The following TFAP2B variants were observed in gnomAD, a reference collection of about 807,000 sequenced individuals.
TFAP2B encodes transcription factor AP-2 beta, also known as transcription factor AP-2-beta.
TFAP2B carries 9 observed loss-of-function variants against 44.3 expected under a neutral mutation model. The ratio of observed to expected loss-of-function variants is 0.20; its 90% CI spans 0.12 to 0.35. TFAP2B has a LOEUF of 0.35. TFAP2B is among the 10% of genes least tolerant of loss of function. TFAP2B has a pLI of 1.00. For synonymous variants in TFAP2B, 270 were observed against 263.8 expected, an observed-to-expected ratio of 1.02 and a Z score of -0.23; for missense variants, 509 against 600.0, an observed-to-expected ratio of 0.85 and a Z score of 1.59.
chr6:50,831,660 T>TG (rs3839387), intron 3 of TFAP2B, among the ~76,000 whole-genome samples: 59,000 of 151,614 alleles, frequency 0.39, 11,840 homozygotes, highest in Non-Finnish European at 0.45. Context: ...ATTAGAAATC[T>TG]GGGGGGAGGA....
rs2113930232 is a variant in TFAP2B at position 50,823,865 on chromosome 6, G to A, written c.540G>A (p.Gln180=). The change falls in exon 2 of 7, where the codon CAG becomes CAA. Residue 180 remains glutamine, a splice_region_variant and synonymous_variant. Coordinates refer to ENST00000393655, the MANE Select transcript of TFAP2B (RefSeq NM_003221.4). ...GLGHPGMEDV[Q]SVEDANNSGM... is the part of the protein sequence containing the mutation. ...GCCATCCCGGAATGGAAGACGTCCAGGTAACCACAAACAAACAAACAAACA... is the reference window on the plus strand; with the variant it reads ...GCCATCCCGGAATGGAAGACGTCCAAGTAACCACAAACAAACAAACAAACA... 1.3e-6 allele frequency: 2 copies of A among 1,530,806 alleles called. No homozygotes were observed. Among genetic ancestry groups the A allele is most frequent in the Non-Finnish European group, 1.7e-6 (2 of 1,146,202 alleles). 94.8% of individuals were successfully genotyped at this position (1,530,806 alleles called of 1,614,324 possible).
At position 50,832,149 on chromosome 6, in the gene TFAP2B, C is replaced by A. The variant is rs144470621; in HGVS notation, c.601+3470C>A. ...AGTTTCCTCTCAAAAGGAAGAAGTT[C>A]CCATTTCCAGGTTGGACTTGGATCC... On this transcript the variant is annotated intron_variant, in intron 3 of 6. Transcript: ENST00000393655. 6.0e-4 allele frequency among the ~76,000 whole-genome samples: 91 copies of A among 152,308 alleles called. 1 individual carries two copies. The highest frequency in any genetic ancestry group is 1.4e-3 in the Admixed American group (22 of 15,310).
rs772790710 is a variant in TFAP2B at position 50,840,184 on chromosome 6, T to G, written c.969T>G (p.Phe323Leu). 1.1e-5 allele frequency: 17 copies of G among 1,614,016 alleles called. No homozygotes were observed. Among genetic ancestry groups the G allele is most frequent in the Middle Eastern group, 1.6e-4 (1 of 6,084 alleles). ...EGEAVHLARD[F>L]GYICETEFPA... is the part of the protein sequence containing the mutation. ...AAGCTGTTCACTTAGCTAGGGATTT[T>G]GGGTACATTTGCGAAACGGAGTTTC... The change falls in exon 6 of 7, where the codon TTT becomes TTG. Residue 323 changes from phenylalanine to leucine, a missense_variant. Coordinates refer to ENST00000393655, the MANE Select transcript of TFAP2B (RefSeq NM_003221.4).
In TFAP2B at chr6:50,836,122, C is replaced by T. The variant is rs763308336; in HGVS notation, c.663C>T (p.Gly221=). The change falls in exon 4 of 7, where the codon GGC becomes GGT. Residue 221 remains glycine, a synonymous_variant. Coordinates refer to ENST00000393655, the MANE Select transcript of TFAP2B (RefSeq NM_003221.4). ...TGAATAAAGACGGCTTCCTGGGAGG[C>T]ATGTCTGTCAACACCGGCGAGGTGT... ...LMMNKDGFLG[G]MSVNTGEVFC... The T allele has an allele frequency of 5.0e-6, 8 of 1,614,126 alleles. No individual in the cohort carries two copies. Among genetic ancestry groups the T allele is most frequent in the Non-Finnish European group, 5.9e-6 (7 of 1,180,028 alleles).
Position 50,818,970 on chromosome 6 carries a change from G to A in TFAP2B, c.79G>A (p.Glu27Lys). The A allele has an allele frequency of 1.2e-6, 2 of 1,614,072 alleles. No homozygotes were observed. The highest frequency in any genetic ancestry group is 1.7e-6 in the Non-Finnish European group (2 of 1,179,974). Residue 27 changes from glutamate (E) to lysine (K), a missense_variant and splice_region_variant, in exon 1 of 7, where the codon GAG becomes AAG. Transcript: ENST00000393655. ...GAATGTCAAGTACGAAGATATCTAT[G>A]AGGTGAGTCGACACCCCCAGATGCA... is the stretch of plus-strand genomic sequence containing the variant. Reference protein sequence around the residue: ...VENVKYEDIYEDRHDGVPSHS... With the variant: ...VENVKYEDIYKDRHDGVPSHS...
At chr6:50,821,339 C>G (rs565571574) in intron 1 of TFAP2B, among the ~76,000 whole-genome samples, 1 of 152,350 alleles carries the variant, frequency 6.6e-6, no homozygotes, top group South Asian at 2.1e-4. Flanking sequence ...GCAAAAGTCA[C>G]TGTAAATAAC....
chr6:50,823,550 G>A lies in TFAP2B; in HGVS notation c.225G>A (p.Gln75=), dbSNP rs770342388. 6.2e-7 allele frequency: 1 copy of A among 1,613,056 alleles called. No homozygotes were observed. Among genetic ancestry groups the A allele is most frequent in the African/African-American group, 1.3e-5 (1 of 74,626 alleles). The stretch of plus-strand genomic sequence containing the variant: ...CGCCCTACTTCCCACCCCCCTACCA[G>A]CCGCTCCCCTACCACCAGAGCCAGG... ...FQPPYFPPPY[Q]PLPYHQSQDP... is the part of the protein sequence containing the mutation. Residue 75 remains glutamine, a synonymous_variant, in exon 2 of 7, where the codon CAG becomes CAA. Coordinates refer to ENST00000393655, the MANE Select transcript of TFAP2B (RefSeq NM_003221.4).
chr6:50,818,879 G>A lies in TFAP2B; in HGVS notation c.-13G>A. On this transcript the variant is annotated 5_prime_UTR_variant, in exon 1 of 7. Coordinates refer to ENST00000393655, the MANE Select transcript of TFAP2B (RefSeq NM_003221.4). ...CGGAGTCCTGAGAAGCCAGACATCT[G>A]CTCCTCACATGAATGCACTCACCTC... 6.2e-7 allele frequency: 1 copy of A among 1,613,654 alleles called. No homozygotes were observed.
rs905725590 is a variant in TFAP2B, at chr6:50,818,888, A to G, written c.-4A>G. On this transcript the variant is annotated 5_prime_UTR_variant, in exon 1 of 7. It removes an upstream start codon present in the reference 5' UTR. Transcript: ENST00000393655. ...GAGAAGCCAGACATCTGCTCCTCAC[A>G]TGAATGCACTCACCTCCTAGAGACC... The G allele has an allele frequency of 1.9e-6, 3 of 1,613,926 alleles. No individual in the cohort carries two copies. Among genetic ancestry groups the G allele is most frequent in the African/African-American group, 2.7e-5 (2 of 74,902 alleles).
intron 2 of TFAP2B, 132 bp downstream of exon 2, chr6:50,823,997 G>C (rs2113930555): frequency 1.0e-6 from 1 of 993,746 alleles, no homozygotes; most frequent in Admixed American, 2.0e-5. Flanking sequence ...AACAGGACTA[G>C]ACAGTCATAT....
rs913628956 is a variant in TFAP2B at position 50,843,542 on chromosome 6, AAAT to A, written c.*153_*155del. On this transcript the variant is annotated 3_prime_UTR_variant, in exon 7 of 7. Transcript: ENST00000393655. ...AATCAAAATTTTAAAAAAAAAAGCT[AAAT>A]AACTTAAAAAAAAACTGAGGCGTAC... 9 of 866,684 alleles carry A rather than the reference AAAT, an allele frequency of 1.0e-5. No individual in the cohort carries two copies. In the Admixed American group the frequency reaches 1.6e-4, roughly 15 times the overall value. The allele number at this position is 866,684 out of a possible 1,614,324, so 53.7% of individuals were successfully genotyped here. A position where few individuals can be genotyped will look rare whatever the true frequency, so the allele number is the denominator to read the frequency against.
intron 3 of TFAP2B, among the ~76,000 whole-genome samples, chr6:50,829,598 T>C (rs1770619758): frequency 6.6e-6 from 1 of 152,242 alleles, no homozygotes; most frequent in African/African-American, 2.4e-5. Flanking sequence ...CCCTTTCTCA[T>C]GGATGTCGAA....
chr6:50,842,088 G>A (rs1010007264), intron 6 of TFAP2B, among the ~76,000 whole-genome samples: 1 of 152,202 alleles, frequency 6.6e-6, no homozygotes, highest in Non-Finnish European at 1.5e-5. Flanking sequence ...CTGGAGTGCT[G>A]TAGGTTTATT....
chr6:50,825,638 C>T (rs1171814662), intron 2 of TFAP2B, among the ~76,000 whole-genome samples: 3 of 152,152 alleles, frequency 2.0e-5, no homozygotes, highest in African/African-American at 7.2e-5. Context: ...CTTGTCAAAG[C>T]GTCGGAAAGG....
At chr6:50,840,042 C>G (rs1762695423) in intron 5 of TFAP2B, 114 bp from the exon 6 acceptor site, 3 of 1,408,790 alleles carry the variant, frequency 2.1e-6, no homozygotes, top group Non-Finnish European at 3.0e-6. Flanking sequence ...TTGCTTTTGG[C>G]TCCAACAGCT....
intron 2 of TFAP2B, among the ~76,000 whole-genome samples, chr6:50,826,392 C>G (rs1770506977): frequency 6.6e-6 from 1 of 152,128 alleles, no homozygotes; most frequent in Non-Finnish European, 1.5e-5. Context: ...GGGCCACAGC[C>G]CCCACCATGA....
chr6:50,836,432 T>G, intron 4 of TFAP2B, 152 bp downstream of exon 4: 2 of 761,192 alleles, frequency 2.6e-6, no homozygotes, highest in Admixed American at 4.2e-5. Context: ...GAGCATTGCT[T>G]TCGCGCAGCG....
intron 5 of TFAP2B, among the ~76,000 whole-genome samples, chr6:50,838,763 TAAAC>T (rs1257851909): frequency 6.6e-6 from 1 of 152,026 alleles, no homozygotes. Context: ...TGGTATGTAA[TAAAC>T]AAAATCATCT....
At chr6:50,838,460 A>AGTGGCC (rs1314220516) in intron 5 of TFAP2B, among the ~76,000 whole-genome samples, 14 of 152,188 alleles carry the variant, frequency 9.2e-5, no homozygotes, top group African/African-American at 3.4e-4. Flanking sequence ...CCAGATTTGA[A>AGTGGCC]TTGTCAGTAG....
Sources: allele counts gnomAD v4.1 joint callset (sites outside exome capture counted in the v4.1 genomes callset), GRCh38; gene constraint gnomAD v4.1.1; transcripts MANE v1.5; gene names NCBI Gene and HGNC (gene_info 2026-07-23, HGNC 2026-07-21).